Variants in MYMK observed in about 807,000 individuals in gnomAD.
MYMK encodes the protein protein myomaker.
MYMK carries 16 observed loss-of-function variants against 22.4 expected under a neutral mutation model. The ratio of observed to expected loss-of-function variants is 0.72; its 90% CI spans 0.48 to 1.09. The LOEUF (loss-of-function observed/expected upper bound fraction) is 1.09. Among genes scored for constraint, MYMK ranks in the 50% least tolerant of loss-of-function variants. The pLI, the probability that MYMK is intolerant of heterozygous loss-of-function variation, is 0.00. For synonymous variants in MYMK, 125 were observed against 127.0 expected (o/e 0.98, Z 0.11); for missense variants, 250 against 295.6 (o/e 0.85, Z 1.13).
chr9:133,519,088 C>A (rs1322104793), intron 2 of MYMK, 66 bp from the exon 3 acceptor site: 13 of 1,594,620 alleles, frequency 8.2e-6, no homozygotes, highest in South Asian at 3.4e-5. Flanking sequence ...GCTACCCCCC[C>A]ACCCCCCAGC....
rs560558081 is a variant in MYMK at position 133,519,849 on chromosome 9, G to A, written c.250+325C>T. Among the ~76,000 whole-genome samples, 4 of 152,270 alleles carry A rather than the reference G, an allele frequency of 2.6e-5. No individual in the cohort carries two copies. In the South Asian group the frequency reaches 6.2e-4, roughly 24 times the overall value. ...CCAACCCCCCTGAGCAGTGAACAGC[G>A]GTCCTCCCAGGGAAGGAGTGACGGG... On this transcript the variant is annotated intron_variant, in intron 2 of 4. Coordinates refer to ENST00000339996, the MANE Select transcript of MYMK (RefSeq NM_001080483.3).
intron 1 of MYMK, among the ~76,000 whole-genome samples, chr9:133,520,654 G>A (rs1189121410): frequency 1.3e-5 from 2 of 152,158 alleles, no homozygotes; most frequent in Admixed American, 6.5e-5. Flanking sequence ...GACCCTACAC[G>A]GCTCTCCCCG....
intron 3 of MYMK, among the ~76,000 whole-genome samples, chr9:133,517,359 G>C (rs945614033): frequency 4.6e-5 from 7 of 152,122 alleles, no homozygotes; most frequent in African/African-American, 1.7e-4. Context: ...CAGGTCCTCT[G>C]TCTCCTGCTC....
chr9:133,521,098 GC>G (rs1318467420), intron 1 of MYMK, among the ~76,000 whole-genome samples: 3 of 152,158 alleles, frequency 2.0e-5, no homozygotes, highest in Non-Finnish European at 4.4e-5. Context: ...ATCCATCTCT[GC>G]CCTATACTCT....
At position 133,524,935 on chromosome 9, in the gene MYMK, T is replaced by A; in HGVS notation, c.-91A>T. 6.8e-7 allele frequency: 1 copy of A among 1,463,248 alleles called. No individual in the cohort carries two copies. Among genetic ancestry groups the A allele is most frequent in the Non-Finnish European group, 9.2e-7 (1 of 1,091,794 alleles). 90.6% of individuals were successfully genotyped at this position (1,463,248 alleles called of 1,614,324 possible). ...GCACGAAGTGGGAAGGCCAGCTCCC[T>A]TTGGGCAGGGCTCTGATGGCAGCTG... On this transcript the variant is annotated 5_prime_UTR_variant, in exon 1 of 5. In the 5' UTR this introduces an upstream ATG that the reference lacks. Transcript: ENST00000339996.
chr9:133,523,531 C>T (rs1032717513), intron 1 of MYMK, among the ~76,000 whole-genome samples: 1 of 151,872 alleles, frequency 6.6e-6, no homozygotes, highest in Non-Finnish European at 1.5e-5. Flanking sequence ...TTGTGGGAGT[C>T]CAGGAGTGAG....
chr9:133,518,760 C>T (rs1564484438), intron 3 of MYMK, 114 bp downstream of exon 3: 1 of 1,364,240 alleles, frequency 7.3e-7, no homozygotes, highest in East Asian at 2.3e-5. Flanking sequence ...CTGCATCCAC[C>T]CATTTGCCTA....
In MYMK at chr9:133,523,230, G is replaced by T. The variant is rs79864412; in HGVS notation, c.135+1480C>A. Among the ~76,000 whole-genome samples the T allele has an allele frequency of 4.7e-3, 712 of 152,358 alleles. 7 individuals carry two copies. The highest frequency in any genetic ancestry group is 0.016 in the African/African-American group (670 of 41,578). On this transcript the variant is annotated intron_variant, in intron 1 of 4. Transcript: ENST00000339996. ...AAGCATAACATGTGAATATATGCTTGCAAACACACGTGTGAGCTCACGGGC... is the reference window on the plus strand; with the variant it reads ...AAGCATAACATGTGAATATATGCTTTCAAACACACGTGTGAGCTCACGGGC...
rs73553560 is a variant in MYMK at position 133,524,136 on chromosome 9, T to C, written c.135+574A>G. Among the ~76,000 whole-genome samples the C allele has an allele frequency of 2.5e-3, 373 of 151,270 alleles. 3 individuals carry two copies. The highest frequency in any genetic ancestry group is 8.5e-3 in the African/African-American group (350 of 41,178). On this transcript the variant is annotated intron_variant, in intron 1 of 4. Transcript: ENST00000339996. ...ACAGTCAGCCAGCCAGACACATAAA[T>C]AGAAAGAGAAAGACGGACCCACAGA... is the stretch of plus-strand genomic sequence containing the variant.
At chr9:133,520,857 A>G (rs1205120209) in intron 1 of MYMK, among the ~76,000 whole-genome samples, 18 of 152,128 alleles carry the variant, frequency 1.2e-4, no homozygotes. Flanking sequence ...GGGCATCAGA[A>G]CGCCTGGGGC....
At chr9:133,518,820 G>C in intron 3 of MYMK, 54 bp downstream of exon 3, 1 of 1,576,838 alleles carries the variant, frequency 6.3e-7, no homozygotes, top group Non-Finnish European at 8.6e-7. Context: ...TCAGACAGGG[G>C]AGAGGTGACG....
In MYMK at chr9:133,520,288, G is replaced by C; in HGVS notation, c.136C>G (p.Leu46Val). The change falls in exon 2 of 5, where the codon CTC becomes GTC. Residue 46 changes from leucine to valine, a missense_variant and splice_region_variant. Coordinates refer to ENST00000339996, the MANE Select transcript of MYMK (RefSeq NM_001080483.3). ...VYLFTLFFVA[L>V]HHACNGPGLS... ...CCGGGTCCATTGCAGGCATGGTGGA[G>C]CTGCCAGAAAACCCACAGGTGGTCA... The C allele has an allele frequency of 6.2e-7, 1 of 1,613,878 alleles. No individual in the cohort carries two copies. The highest frequency in any genetic ancestry group is 8.5e-7 in the Non-Finnish European group (1 of 1,179,822).
At chr9:133,516,475 C>A (rs1040468153) in intron 3 of MYMK, among the ~76,000 whole-genome samples, 3 of 152,156 alleles carry the variant, frequency 2.0e-5, no homozygotes, top group African/African-American at 4.8e-5. Context: ...AGACACACAG[C>A]GTGTGGCACA....
chr9:133,515,364 A>T lies in MYMK; in HGVS notation c.516+127T>A. On this transcript the variant is annotated intron_variant, in intron 4 of 4. Transcript: ENST00000339996. The surrounding 1 kb of genome is among the most constrained non-coding windows in gnomAD (Gnocchi z 5.8). ...TGGGAGGGGCTAGTGAGCAGGGACT[A>T]ATACCAGACTTTGGCCTGGGGCTGT... 1 of 694,100 alleles carries T rather than the reference A, an allele frequency of 1.4e-6. No individual in the cohort carries two copies. Among genetic ancestry groups the T allele is most frequent in the Non-Finnish European group, 2.6e-6 (1 of 385,270 alleles). The allele number at this position is 694,100 out of a possible 1,614,324, so 43.0% of individuals were successfully genotyped here.
At chr9:133,518,388 C>T (rs552885775) in intron 3 of MYMK, among the ~76,000 whole-genome samples, 1 of 152,230 alleles carries the variant, frequency 6.6e-6, no homozygotes, top group African/African-American at 2.4e-5. Context: ...GAGGCTCACT[C>T]CCTCCAGGAA....
chr9:133,517,744 C>T (rs1251470229), intron 3 of MYMK, among the ~76,000 whole-genome samples: 1 of 152,086 alleles, frequency 6.6e-6, no homozygotes, highest in Non-Finnish European at 1.5e-5. Flanking sequence ...CTGAGGCCTC[C>T]ATGCTTTGGT....
intron 1 of MYMK, among the ~76,000 whole-genome samples, chr9:133,521,991 G>A (rs1214113374): frequency 1.3e-5 from 2 of 152,254 alleles, no homozygotes; most frequent in Non-Finnish European, 2.9e-5. Context: ...CTTGCTGCAT[G>A]TGTTCAGGGA....
chr9:133,520,561 C>T (rs1471686193), intron 1 of MYMK, among the ~76,000 whole-genome samples: 4 of 152,332 alleles, frequency 2.6e-5, no homozygotes, highest in East Asian at 1.9e-4. Flanking sequence ...CAGCAGAATT[C>T]GCTCATCTGC....
rs146986769 is a variant in MYMK at position 133,514,687 on chromosome 9, C to T, written c.615G>A (p.Pro205=). 3.1e-4 allele frequency: 500 copies of T among 1,613,982 alleles called. 4 individuals carry two copies. The East Asian group carries it at 0.01, about 33-fold the overall frequency. The stretch of plus-strand genomic sequence containing the variant: ...AGCAGTCCAGCTTGGCCGGGGTCCC[C>T]GGGGATCCAGCCTTCTTGTTGACCT... The part of the protein sequence containing the change: ...LPKVNKKAGS[P]GTPAKLDCST... The change falls in exon 5 of 5, where the codon CCG becomes CCA. Residue 205 remains proline (P), a synonymous_variant. Coordinates refer to ENST00000339996, the MANE Select transcript of MYMK (RefSeq NM_001080483.3).
Sources: allele counts gnomAD v4.1 joint callset (sites outside exome capture counted in the v4.1 genomes callset), GRCh38; gene constraint gnomAD v4.1.1; non-coding constraint Gnocchi (gnomAD v3.1); transcripts MANE v1.5; gene names NCBI Gene and HGNC (gene_info 2026-07-23, HGNC 2026-07-21).